The following LPP variants were observed in gnomAD, a reference collection of about 807,000 sequenced individuals.
LPP encodes the protein LIM domain containing preferred translocation partner in lipoma.
A neutral mutation model predicts 60.4 loss-of-function variants in LPP; 38 were observed. That is an observed-to-expected ratio of 0.63 (90% CI 0.49 to 0.83). LPP has a LOEUF of 0.83. Among genes scored for constraint, LPP ranks in the 40% least tolerant of loss-of-function variants. LPP has a pLI of 0.00. For missense variants in LPP, 902 were observed against 783.6 expected, an observed-to-expected ratio of 1.15 and a Z score of -1.80; for synonymous variants, 328 against 290.8, an observed-to-expected ratio of 1.13 and a Z score of -1.30.
chr3:188,680,134 C>A (rs760176377), intron 7 of LPP, among the ~76,000 whole-genome samples: 38 of 152,132 alleles, frequency 2.5e-4, no homozygotes, highest in Non-Finnish European at 4.1e-4. Flanking sequence ...AGCTGCTACT[C>A]CCCCTTCTTT....
intron 2 of LPP, among the ~76,000 whole-genome samples, chr3:188,266,857 C>T (rs954174698): frequency 1.3e-5 from 2 of 152,142 alleles, no homozygotes; most frequent in Admixed American, 6.5e-5. Flanking sequence ...AGAATCCTCC[C>T]GGCCCTTTCA....
chr3:188,175,135 G>C (rs560699379), intron 1 of LPP, among the ~76,000 whole-genome samples: 3 of 152,218 alleles, frequency 2.0e-5, no homozygotes, highest in African/African-American at 4.8e-5. Flanking sequence ...CGCTCAGCCT[G>C]GAGTGCAGTC....
intron 8 of LPP, among the ~76,000 whole-genome samples, chr3:188,732,650 G>A (rs573441047): frequency 2.3e-4 from 34 of 149,786 alleles, no homozygotes; most frequent in African/African-American, 7.4e-4. Context: ...CCCGTGAGGC[G>A]GAGGTTGCAG....
intron 7 of LPP, among the ~76,000 whole-genome samples, chr3:188,657,628 C>G (rs576060756): frequency 6.6e-6 from 1 of 151,808 alleles, no homozygotes; most frequent in Admixed American, 6.6e-5. Flanking sequence ...TTTTTCTTAG[C>G]CTTTCTAGTC....
chr3:188,239,107 G>A (rs557988539), intron 2 of LPP, among the ~76,000 whole-genome samples: 4 of 152,326 alleles, frequency 2.6e-5, no homozygotes, highest in African/African-American at 7.2e-5. Flanking sequence ...GGATGGTAGT[G>A]GTGTGCAGCT....
chr3:188,683,245 T>G (rs780861898), intron 7 of LPP, among the ~76,000 whole-genome samples: 3 of 151,926 alleles, frequency 2.0e-5, no homozygotes, highest in Non-Finnish European at 4.4e-5. Flanking sequence ...TTCTCAAGTT[T>G]AGTTCTCTGA....
At chr3:188,772,872 A>G (rs970996318) in intron 9 of LPP, among the ~76,000 whole-genome samples, 2 of 152,150 alleles carry the variant, frequency 1.3e-5, no homozygotes, top group Non-Finnish European at 2.9e-5. Flanking sequence ...ATTGACTCAC[A>G]TACCCTTTGC....
intron 4 of LPP, among the ~76,000 whole-genome samples, chr3:188,483,844 G>A (rs898859229): frequency 4.6e-5 from 7 of 152,114 alleles, no homozygotes; most frequent in African/African-American, 9.7e-5. Context: ...TTAGTAAATC[G>A]TATTGTAACC....
At chr3:188,230,956 A>T (rs1719726369) in intron 2 of LPP, among the ~76,000 whole-genome samples, 1 of 152,118 alleles carries the variant, frequency 6.6e-6, no homozygotes, top group African/African-American at 2.4e-5. Context: ...AGCACATCGC[A>T]TGATGGTTGG....
intron 7 of LPP, among the ~76,000 whole-genome samples, chr3:188,614,471 G>A (rs772784560): frequency 1.5e-4 from 23 of 152,092 alleles, no homozygotes; most frequent in Non-Finnish European, 2.6e-4. Flanking sequence ...ATTGCTTGAG[G>A]CCAGTGACTG....
At chr3:188,511,853 G>A (rs1579505883) in intron 5 of LPP, among the ~76,000 whole-genome samples, 1 of 152,138 alleles carries the variant, frequency 6.6e-6, no homozygotes, top group Admixed American at 6.5e-5. Context: ...TGTTTTCCCA[G>A]TAGTGACTAT....
At chr3:188,498,433 T>C (rs1004510641) in intron 5 of LPP, among the ~76,000 whole-genome samples, 1 of 152,168 alleles carries the variant, frequency 6.6e-6, no homozygotes, top group East Asian at 1.9e-4. Flanking sequence ...CATGGTAAAA[T>C]TGTAATCAGA....
intron 5 of LPP, among the ~76,000 whole-genome samples, chr3:188,486,513 G>A (rs1232986946): frequency 2.0e-5 from 3 of 152,268 alleles, no homozygotes; most frequent in African/African-American, 7.2e-5. Flanking sequence ...CACTGAGAAG[G>A]CGACGCTTAA....
At chr3:188,167,501 C>CACAAAACAAAACAAAACAAA (rs59953137) in intron 1 of LPP, among the ~76,000 whole-genome samples, 1,481 of 143,576 alleles carry the variant, frequency 0.01, 25 homozygotes, top group East Asian at 0.035. Context: ...ACTCCACCAC[C>CACAAAACAAAACAAAACAAA]ACAAAACAAA....
intron 2 of LPP, among the ~76,000 whole-genome samples, chr3:188,324,931 A>G (rs901023547): frequency 2.0e-5 from 3 of 152,238 alleles, no homozygotes; most frequent in East Asian, 1.9e-4. Flanking sequence ...AGGCCCTTTC[A>G]TGGCCTGCAA....
At position 188,759,861 on chromosome 3, in the gene LPP, A is replaced by G. The variant is rs193210649; in HGVS notation, c.1241-252A>G. Among the ~76,000 whole-genome samples, 104 of 152,286 alleles carry G rather than the reference A, an allele frequency of 6.8e-4. 1 individual carries two copies. Among genetic ancestry groups the G allele is most frequent in the East Asian group, 7.7e-4 (4 of 5,174 alleles). ...CCGGGTTCTACTGTTCCTTTCTGCA[A>G]GAACTTAGACTATGAGACTCAATCC... is the stretch of plus-strand genomic sequence containing the variant. On this transcript the variant is annotated intron_variant, in intron 8 of 11. Transcript: ENST00000617246.
At chr3:188,367,553 A>T (rs1036011272) in intron 3 of LPP, among the ~76,000 whole-genome samples, 1 of 152,240 alleles carries the variant, frequency 6.6e-6, no homozygotes, top group Non-Finnish European at 1.5e-5. Context: ...AGTTAAATGT[A>T]CAAGTTCCTA....
chr3:188,348,365 C>T (rs1764947831), intron 3 of LPP, among the ~76,000 whole-genome samples: 1 of 152,072 alleles, frequency 6.6e-6, no homozygotes, highest in Admixed American at 6.5e-5. Context: ...CCAGGCTGGT[C>T]TCAAACTCCT....
chr3:188,716,727 T>C (rs142592292), intron 8 of LPP, among the ~76,000 whole-genome samples: 1 of 152,336 alleles, frequency 6.6e-6, no homozygotes, highest in African/African-American at 2.4e-5. Flanking sequence ...AGAAAGTCTT[T>C]GTAAAATTCT....
Sources: gnomAD v4.1 joint callset for allele counts (sites outside exome capture counted in the v4.1 genomes callset) on GRCh38, gnomAD v4.1.1 for gene constraint, MANE v1.5 for transcripts, NCBI Gene and HGNC (gene_info 2026-07-23, HGNC 2026-07-21) for gene names.